MLIP: variants seen among roughly 807,000 people sequenced by gnomAD.
MLIP encodes muscular LMNA interacting protein.
Under a neutral mutation model 84.8 loss-of-function variants are expected in MLIP, and 79 were observed. The ratio of observed to expected loss-of-function variants is 0.93; its 90% CI spans 0.78 to 1.12. MLIP has a LOEUF of 1.12. Among genes scored for constraint, MLIP ranks in the 50% most tolerant of loss-of-function variants. The probability of loss-of-function intolerance (pLI) is 0.00; values close to 1 mark genes in which losing one functional copy is unlikely to be tolerated. For synonymous variants in MLIP, 504 were observed against 463.0 expected, an observed-to-expected ratio of 1.09 and a Z score of -1.14; for missense variants, 1,257 against 1,160.6, an observed-to-expected ratio of 1.08 and a Z score of -1.21.
In MLIP at chr6:54,029,623, C is replaced by T. The variant is rs35676002; in HGVS notation, c.63+10532C>T. ...ACTAAAGATTCAAATACATTTTAAA[C>T]CCAGCAACTTTTTTTTTCTGTTCAG... On this transcript the variant is annotated intron_variant, in intron 1 of 12. Coordinates refer to the MLIP transcript ENST00000274897. Among the ~76,000 whole-genome samples, 257 of 152,204 alleles carry T rather than the reference C, an allele frequency of 1.7e-3. 1 individual carries two copies. The highest frequency in any genetic ancestry group is 3.4e-3 in the Middle Eastern group (1 of 294).
intron 11 of MLIP, among the ~76,000 whole-genome samples, chr6:54,204,328 T>C (rs1778896242): frequency 6.6e-6 from 1 of 152,196 alleles, no homozygotes; most frequent in African/African-American, 2.4e-5. Context: ...TTTTTATCAT[T>C]AACAAAAGCA....
intron 3 of MLIP, among the ~76,000 whole-genome samples, chr6:54,125,604 A>G (rs1713252174): frequency 6.6e-6 from 1 of 152,192 alleles, no homozygotes; most frequent in Admixed American, 6.5e-5. Context: ...TTGACTGGCT[A>G]TTTGCTATAA....
intron 11 of MLIP, chr6:54,217,923 AC>A: frequency 1.0e-6 from 1 of 985,454 alleles, no homozygotes; most frequent in African/African-American, 1.7e-5. Flanking sequence ...TTAGGTACCA[AC>A]CTCAAGATAA....
chr6:54,143,710 G>A (rs1040947353), intron 4 of MLIP, among the ~76,000 whole-genome samples: 1 of 152,148 alleles, frequency 6.6e-6, no homozygotes, highest in Non-Finnish European at 1.5e-5. Context: ...GCTTGTCTAG[G>A]ACTTGAACCA....
At chr6:54,169,884 T>C (rs1028366741) in intron 9 of MLIP, among the ~76,000 whole-genome samples, 1 of 151,762 alleles carries the variant, frequency 6.6e-6, no homozygotes, top group Admixed American at 6.6e-5. Flanking sequence ...AATGGTTTAT[T>C]ATGCTTATAG....
intron 1 of MLIP, among the ~76,000 whole-genome samples, chr6:54,088,927 G>A (rs1029501712): frequency 6.6e-6 from 1 of 151,940 alleles, no homozygotes; most frequent in African/African-American, 2.4e-5. Flanking sequence ...GAAACCTTGG[G>A]GGCCACCTTT....
At chr6:54,199,920 C>T (rs1778555067) in intron 10 of MLIP, among the ~76,000 whole-genome samples, 1 of 152,040 alleles carries the variant, frequency 6.6e-6, no homozygotes, top group Admixed American at 6.6e-5. Flanking sequence ...TCATATAGCC[C>T]AAACCTGGGA....
intron 11 of MLIP, among the ~76,000 whole-genome samples, chr6:54,218,944 C>T (rs1780029066): frequency 6.6e-6 from 1 of 151,860 alleles, no homozygotes; most frequent in Non-Finnish European, 1.5e-5. Flanking sequence ...TGGCTCACAC[C>T]TGTAATCCCA....
At chr6:54,232,967 C>T (rs958385253) in intron 12 of MLIP, among the ~76,000 whole-genome samples, 2 of 152,158 alleles carry the variant, frequency 1.3e-5, no homozygotes, top group African/African-American at 2.4e-5. Flanking sequence ...CTCTTCTCTT[C>T]TAAGTTTTAA....
At chr6:54,190,781 C>T (rs1242626070) in intron 10 of MLIP, among the ~76,000 whole-genome samples, 3 of 150,700 alleles carry the variant, frequency 2.0e-5, no homozygotes, top group African/African-American at 7.3e-5. Flanking sequence ...CGAGATATTA[C>T]TGGTCAAAGA....
chr6:54,188,416 C>T (rs1034909566), intron 9 of MLIP, among the ~76,000 whole-genome samples: 30 of 151,962 alleles, frequency 2.0e-4, no homozygotes, highest in African/African-American at 6.0e-4. Context: ...ATATTTTTTA[C>T]ACTCTTATTC....
chr6:54,131,477 G>A (rs763198236), intron 3 of MLIP, among the ~76,000 whole-genome samples: 2 of 152,032 alleles, frequency 1.3e-5, no homozygotes, highest in Admixed American at 6.6e-5. Context: ...AGGGACCTTT[G>A]TTACATTTGA....
Position 54,230,750 on chromosome 6 carries a change from C to T in MLIP, c.2755C>T (p.Pro919Ser), listed in dbSNP as rs747069806. 2.5e-6 allele frequency: 4 copies of T among 1,614,132 alleles called. No individual in the cohort carries two copies. The highest frequency in any genetic ancestry group is 1.6e-4 in the Middle Eastern group (1 of 6,062). The change falls in exon 12 of 14, where the codon CCT (proline) becomes TCT (serine). Residue 919 changes from proline to serine, a missense_variant. Transcript: ENST00000502396. ...CCCTCCCAAGCCTGTCTCGCTCCATCCTTTATATCAGACTAAACTCTATCC... is the reference window on the plus strand; with the variant it reads ...CCCTCCCAAGCCTGTCTCGCTCCATTCTTTATATCAGACTAAACTCTATCC... ...TVPPKPVSLH[P>S]LYQTKLYPPA...
At chr6:54,167,584 C>T (rs933181600) in intron 8 of MLIP, among the ~76,000 whole-genome samples, 2 of 151,762 alleles carry the variant, frequency 1.3e-5, no homozygotes, top group African/African-American at 2.4e-5. Context: ...TTCTGCTCAT[C>T]CTCATTCACA....
intron 1 of MLIP, among the ~76,000 whole-genome samples, chr6:54,113,350 A>G (rs1426988824): frequency 6.6e-6 from 1 of 152,160 alleles, no homozygotes; most frequent in African/African-American, 2.4e-5. Flanking sequence ...CCTTTCTATC[A>G]TGATATTGAT....
chr6:54,129,015 T>G (rs1159550313), intron 3 of MLIP, among the ~76,000 whole-genome samples: 1 of 151,838 alleles, frequency 6.6e-6, no homozygotes, highest in East Asian at 1.9e-4. Context: ...AAGTAAGAAC[T>G]GGGGAGAGGA....
chr6:54,061,423 AAACC>A (rs1327505871), intron 1 of MLIP, among the ~76,000 whole-genome samples: 4 of 152,156 alleles, frequency 2.6e-5, no homozygotes, highest in African/African-American at 9.7e-5. Context: ...AATGCAAATA[AAACC>A]ATGGCTTACT....
chr6:54,210,091 G>A (rs1196694532), intron 11 of MLIP, among the ~76,000 whole-genome samples: 135 of 152,280 alleles, frequency 8.9e-4, no homozygotes, highest in African/African-American at 3.2e-3. Context: ...TTCAATAATT[G>A]TGACTGGCCT....
At chr6:54,026,131 AT>A (rs1459092563) in intron 1 of MLIP, among the ~76,000 whole-genome samples, 1 of 152,162 alleles carries the variant, frequency 6.6e-6, no homozygotes, top group Non-Finnish European at 1.5e-5. Flanking sequence ...TCACTCCTGA[AT>A]TTTTAGTAAA....
Sources: allele counts gnomAD v4.1 joint callset (sites outside exome capture counted in the v4.1 genomes callset), GRCh38; gene constraint gnomAD v4.1.1; transcripts MANE v1.5; gene names NCBI Gene and HGNC (gene_info 2026-07-23, HGNC 2026-07-21).